The following GALNT17 variants were observed in gnomAD, a reference collection of about 807,000 sequenced individuals.
The protein encoded by GALNT17 is UDP-GalNAc:polypeptide N-acetylgalactosaminyltransferase-like 3.
Under a neutral mutation model 63.7 loss-of-function variants are expected in GALNT17, and 29 were observed. That is an observed-to-expected ratio of 0.46 (90% confidence interval 0.34 to 0.62). The LOEUF is 0.62. Among genes scored for constraint, GALNT17 ranks in the 20% least tolerant of loss-of-function variants. GALNT17 has a pLI of 0.01. For missense variants in GALNT17, 603 were observed against 799.6 expected, an observed-to-expected ratio of 0.75 and a Z score of 2.97; for synonymous variants, 305 against 318.3, an observed-to-expected ratio of 0.96 and a Z score of 0.45.
intron 9 of GALNT17, among the ~76,000 whole-genome samples, chr7:71,701,923 GTA>G (rs1280964113): frequency 8.0e-6 from 1 of 125,546 alleles, no homozygotes; most frequent in East Asian, 2.1e-4. Flanking sequence ...ATATATATAT[GTA>G]TATATATACA....
At chr7:71,592,547 AG>A (rs1562703269) in intron 6 of GALNT17, among the ~76,000 whole-genome samples, 13 of 133,046 alleles carry the variant, frequency 9.8e-5, no homozygotes, top group Admixed American at 3.1e-4. Flanking sequence ...AAAATAAAAT[AG>A]CATAGCATAG....
intron 5 of GALNT17, among the ~76,000 whole-genome samples, chr7:71,444,722 G>A (rs1447725469): frequency 6.6e-6 from 1 of 152,092 alleles, no homozygotes; most frequent in Non-Finnish European, 1.5e-5. Flanking sequence ...AGCTACTCAG[G>A]AGGCTGAGGC....
intron 1 of GALNT17, chr7:71,300,506 G>A (rs1220555340): frequency 2.3e-6 from 1 of 433,700 alleles, no homozygotes; most frequent in South Asian, 1.7e-5. Flanking sequence ...AATGGAGGTG[G>A]GTTATTTTCT....
intron 6 of GALNT17, among the ~76,000 whole-genome samples, chr7:71,597,925 G>A (rs1050571553): frequency 1.3e-5 from 2 of 151,796 alleles, no homozygotes; most frequent in African/African-American, 2.4e-5. Flanking sequence ...GCTCCCTGCT[G>A]TAATAACACG....
intron 1 of GALNT17, chr7:71,300,406 C>T (rs898013473): frequency 8.8e-6 from 4 of 455,960 alleles, no homozygotes; most frequent in Non-Finnish European, 1.8e-5. Flanking sequence ...GTCTGTCTTC[C>T]CTCCTGTGTC....
At chr7:71,200,331 C>T (rs1030164289) in intron 1 of GALNT17, among the ~76,000 whole-genome samples, 1 of 152,210 alleles carries the variant, frequency 6.6e-6, no homozygotes, top group Non-Finnish European at 1.5e-5. Flanking sequence ...GCCTGCACTG[C>T]ATGCTCAACC....
chr7:71,248,834 G>A (rs995667085), intron 1 of GALNT17, among the ~76,000 whole-genome samples: 9 of 152,188 alleles, frequency 5.9e-5, no homozygotes, highest in African/African-American at 2.2e-4. Flanking sequence ...TGGAGGACTT[G>A]TCATAGTCAC....
chr7:71,619,181 T>C (rs1045483836), intron 6 of GALNT17, among the ~76,000 whole-genome samples: 2 of 152,180 alleles, frequency 1.3e-5, no homozygotes, highest in African/African-American at 4.8e-5. Flanking sequence ...ACCAAGCTGG[T>C]TTGACTACTG....
chr7:71,472,034 GT>G (rs2116616680), intron 5 of GALNT17, among the ~76,000 whole-genome samples: 1 of 152,054 alleles, frequency 6.6e-6, no homozygotes, highest in African/African-American at 2.4e-5. Flanking sequence ...ATTTCCCACA[GT>G]TCTGGAGGCT....
At chr7:71,392,551 G>T (rs1265652014) in intron 3 of GALNT17, among the ~76,000 whole-genome samples, 1 of 152,158 alleles carries the variant, frequency 6.6e-6, no homozygotes, top group Non-Finnish European at 1.5e-5. Context: ...CGTAGCTTGT[G>T]TGGGGAGCAC....
At chr7:71,569,629 C>T (rs915715477) in intron 5 of GALNT17, among the ~76,000 whole-genome samples, 20 of 152,132 alleles carry the variant, frequency 1.3e-4, no homozygotes, top group Admixed American at 9.2e-4. Flanking sequence ...GCAGTTGGTC[C>T]CTGGACTGAA....
chr7:71,570,725 A>G (rs908593341), intron 5 of GALNT17, among the ~76,000 whole-genome samples: 1 of 152,122 alleles, frequency 6.6e-6, no homozygotes, highest in African/African-American at 2.4e-5. Flanking sequence ...CATGCCTGTA[A>G]TCCCAGCACT....
At position 71,578,277 on chromosome 7, in the gene GALNT17, C is replaced by T. The variant is rs557666759; in HGVS notation, c.1080+6875C>T. Among the ~76,000 whole-genome samples the T allele has an allele frequency of 1.2e-4, 18 of 152,000 alleles. No homozygotes were observed. The South Asian group carries it at 3.3e-3, about 28-fold the overall frequency. ...TCTGGAACTCCTGACCTCAGGTGAT[C>T]CACCCACCTCGGCCTCCCAAAGTGC... On this transcript the variant is annotated intron_variant, in intron 6 of 10. Coordinates refer to ENST00000333538, the MANE Select transcript of GALNT17 (RefSeq NM_022479.3).
intron 5 of GALNT17, among the ~76,000 whole-genome samples, chr7:71,536,206 G>T (rs562243479): frequency 6.6e-6 from 1 of 152,074 alleles, no homozygotes; most frequent in South Asian, 2.1e-4. Flanking sequence ...TGGCAGGCTC[G>T]CATTTACCCA....
At chr7:71,462,034 G>A (rs559382351) in intron 5 of GALNT17, among the ~76,000 whole-genome samples, 4 of 152,276 alleles carry the variant, frequency 2.6e-5, no homozygotes, top group Admixed American at 1.3e-4. Context: ...AGAGGTCTGG[G>A]AAGGCAGAGC....
At chr7:71,217,557 T>C (rs1186630420) in intron 1 of GALNT17, among the ~76,000 whole-genome samples, 1 of 152,152 alleles carries the variant, frequency 6.6e-6, no homozygotes, top group Admixed American at 6.5e-5. Context: ...TTGTTGTTGT[T>C]CTTACCTCTA....
chr7:71,603,134 A>G (rs1789991721), intron 6 of GALNT17, among the ~76,000 whole-genome samples: 1 of 151,586 alleles, frequency 6.6e-6, no homozygotes, highest in Admixed American at 6.6e-5. Context: ...TGCATATACC[A>G]GATACTATGC....
intron 6 of GALNT17, among the ~76,000 whole-genome samples, chr7:71,643,499 C>G (rs1487807611): frequency 1.3e-5 from 2 of 152,080 alleles, no homozygotes; most frequent in East Asian, 3.9e-4. Flanking sequence ...CCACACACCC[C>G]AGCATTTTTA....
At chr7:71,223,990 G>A (rs1039694040) in intron 1 of GALNT17, among the ~76,000 whole-genome samples, 10 of 152,106 alleles carry the variant, frequency 6.6e-5, no homozygotes, top group Non-Finnish European at 1.5e-4. Flanking sequence ...TTGATTCCAT[G>A]TCTTGATTAT....
Sources: gnomAD v4.1 joint callset for allele counts (sites outside exome capture counted in the v4.1 genomes callset) on GRCh38, gnomAD v4.1.1 for gene constraint, MANE v1.5 for transcripts, NCBI Gene and HGNC (gene_info 2026-07-23, HGNC 2026-07-21) for gene names.